Variants in ANKRD36B observed in about 807,000 individuals in gnomAD.
The protein encoded by ANKRD36B is ankyrin repeat domain 36B.
ANKRD36B carries 37 observed loss-of-function variants against 135.7 expected under a neutral mutation model. That is an observed-to-expected ratio of 0.27 (90% CI 0.21 to 0.36). ANKRD36B has a LOEUF of 0.36. ANKRD36B is among the 10% of genes least tolerant of loss of function. The pLI is 1.00. For synonymous variants in ANKRD36B, 179 were observed against 348.1 expected (o/e 0.51, Z 5.41); for missense variants, 549 against 1,037.1 (o/e 0.53, Z 6.46).
At position 97,580,508 on chromosome 2, in the gene ANKRD36B, A is replaced by C. The variant is rs1342926492; in HGVS notation, c.511T>G (p.Leu171Val). The C allele has an allele frequency of 6.5e-6, 10 of 1,548,384 alleles. No homozygotes were observed. Among genetic ancestry groups the C allele is most frequent in the African/African-American group, 1.4e-5 (1 of 72,950 alleles). The change falls in exon 4 of 44, where the codon TTA becomes GTA. Residue 171 changes from leucine to valine, a missense_variant. Physicochemically the swap from Leu to Val is conservative, Grantham distance 32 (BLOSUM62 1). Coordinates refer to ENST00000359901, the MANE Select transcript of ANKRD36B (RefSeq NM_001393939.1). ...SRRKVKMVEF[L>V]LKKKANVNAI... ...TTTACATTTGCTTTTTTCTTTAATAAAAATTCCACCATTTTCACTTTTCTT... is the reference window on the plus strand; with the variant it reads ...TTTACATTTGCTTTTTTCTTTAATACAAATTCCACCATTTTCACTTTTCTT...
intron 20 of ANKRD36B, among the ~76,000 whole-genome samples, chr2:97,549,174 C>T (rs1265970222): frequency 6.6e-6 from 1 of 151,900 alleles, no homozygotes; most frequent in African/African-American, 2.4e-5. Flanking sequence ...TTCAACTGCT[C>T]TCCATATATC....
chr2:97,552,726 CA>C (rs1215585416), intron 16 of ANKRD36B, among the ~76,000 whole-genome samples: 1 of 151,924 alleles, frequency 6.6e-6, no homozygotes, highest in East Asian at 1.9e-4. Flanking sequence ...ATTGCTACAT[CA>C]GGGGTCTCCT....
chr2:97,556,638 A>T (rs528427384), intron 12 of ANKRD36B, among the ~76,000 whole-genome samples: 1 of 151,978 alleles, frequency 6.6e-6, no homozygotes, highest in South Asian at 2.1e-4. Flanking sequence ...CTCTCCATAG[A>T]AACATGCTCT....
rs56775263 is a variant in ANKRD36B at position 97,496,833 on chromosome 2, G to GTATATATATA, written c.*7-3988_*7-3979dup. On this transcript the variant is annotated intron_variant, in intron 43 of 43. Transcript: ENST00000359901. ...TGTGTGTGTATGTATATATGTGTGT[G>GTATATATATA]TATATATATATATATATATATATAT... Among the ~76,000 whole-genome samples the GTATATATATA allele has an allele frequency of 5.8e-4, 36 of 62,074 alleles. 2 individuals are homozygous for GTATATATATA. The highest frequency in any genetic ancestry group is 3.0e-3 in the African/African-American group (34 of 11,390). 40.7% of individuals were successfully genotyped at this position (62,074 alleles called of 152,430 possible).
Position 97,551,288 on chromosome 2 carries a change from C to A in ANKRD36B, c.1375+1G>T, listed in dbSNP as rs1027580844. The A allele has an allele frequency of 6.4e-7, 1 of 1,554,732 alleles. No homozygotes were observed. Among genetic ancestry groups the A allele is most frequent in the African/African-American group, 1.4e-5 (1 of 73,446 alleles). ...ACATTAAATGTGTTTCGCAAAATTACCTGTCCTAGATATTTCTCCATCCTT... is the reference window on the plus strand; with the variant it reads ...ACATTAAATGTGTTTCGCAAAATTAACTGTCCTAGATATTTCTCCATCCTT... On this transcript the variant is annotated splice_donor_variant, in intron 18 of 43. Coordinates refer to ENST00000359901, the MANE Select transcript of ANKRD36B (RefSeq NM_001393939.1). LOFTEE classifies it high-confidence loss of function.
intron 3 of ANKRD36B, among the ~76,000 whole-genome samples, chr2:97,582,366 G>T (rs2082686769): frequency 6.6e-6 from 1 of 151,464 alleles, no homozygotes; most frequent in Non-Finnish European, 1.5e-5. Flanking sequence ...TGAAAACCTT[G>T]AAATATTTAC....
At position 97,531,041 on chromosome 2, in the gene ANKRD36B, C is replaced by A. The variant is rs1352103897; in HGVS notation, c.2265+1270G>T. 3.2e-5 allele frequency among the ~76,000 whole-genome samples: 3 copies of A among 95,072 alleles called. 1 individual carries two copies. The highest frequency in any genetic ancestry group is 8.4e-5 in the Non-Finnish European group (3 of 35,762). The allele number at this position is 95,072 out of a possible 152,430, so 62.4% of individuals were successfully genotyped here. ...GAACTAGAAATACCATTTGACCCTG[C>A]CATCCCATTACTGGGTATATACCCA... On this transcript the variant is annotated intron_variant, in intron 35 of 43. Coordinates refer to ENST00000359901, the MANE Select transcript of ANKRD36B (RefSeq NM_001393939.1).
chr2:97,554,077 A>G (rs1345387374), intron 14 of ANKRD36B, among the ~76,000 whole-genome samples: 1 of 151,944 alleles, frequency 6.6e-6, no homozygotes, highest in Non-Finnish European at 1.5e-5. Flanking sequence ...AAGCATCATC[A>G]ATTATCAATT....
chr2:97,529,674 T>C lies in ANKRD36B; in HGVS notation c.2265+2637A>G, dbSNP rs1342884779. 2.1e-5 allele frequency among the ~76,000 whole-genome samples: 2 copies of C among 95,552 alleles called. 1 individual carries two copies. The highest frequency in any genetic ancestry group is 5.6e-5 in the Non-Finnish European group (2 of 35,934). The allele number at this position is 95,552 out of a possible 152,430, so 62.7% of individuals were successfully genotyped here. A position where few individuals can be genotyped will look rare whatever the true frequency, so the allele number is the denominator to read the frequency against. The stretch of plus-strand genomic sequence containing the variant: ...AAAACCCCATTGTCTCAGCCCAAAA[T>C]CTCCTTAAGCTGATCAGCAACTTCA... On this transcript the variant is annotated intron_variant, in intron 35 of 43. Coordinates refer to ENST00000359901, the MANE Select transcript of ANKRD36B (RefSeq NM_001393939.1).
chr2:97,524,836 T>C lies in ANKRD36B; in HGVS notation c.2266-1369A>G, dbSNP rs1201065125. The C allele has an allele frequency of 7.2e-5, 7 of 97,340 alleles. 3 individuals are homozygous for C. Among genetic ancestry groups the C allele is most frequent in the African/African-American group, 2.2e-4 (7 of 32,476 alleles). 6.0% of individuals were successfully genotyped at this position (97,340 alleles called of 1,614,324 possible). On this transcript the variant is annotated intron_variant, in intron 35 of 43. Transcript: ENST00000359901. ...GTTTGATCCACATTCTCTCATACTTTTGTGCACAAGTAAGTCCTGAATATA... is the reference window on the plus strand; with the variant it reads ...GTTTGATCCACATTCTCTCATACTTCTGTGCACAAGTAAGTCCTGAATATA...
chr2:97,547,564 T>G lies in ANKRD36B; in HGVS notation c.1551A>C (p.Gly517=), dbSNP rs781258147. 1.3e-6 allele frequency: 2 copies of G among 1,552,324 alleles called. No individual in the cohort carries two copies. Among genetic ancestry groups the G allele is most frequent in the Non-Finnish European group, 1.8e-6 (2 of 1,135,674 alleles). The change falls in exon 22 of 44, where the codon GGA becomes GGC. Residue 517 remains glycine, a synonymous_variant. Transcript: ENST00000359901. ...EKDSLLNIAR[G]KKDGEKTRRV... is the part of the protein sequence containing the mutation. ...TCCTAGTTTTTTCTCCATCTTTTTT[T>G]CCTCTGGCTATATTCAAAAGAGAAT...
intron 12 of ANKRD36B, among the ~76,000 whole-genome samples, chr2:97,556,337 C>T (rs193007998): frequency 3.6e-4 from 55 of 151,936 alleles, no homozygotes; most frequent in Admixed American, 1.3e-3. Flanking sequence ...CGGTAGTCAT[C>T]GGAGCAGTCA....
At chr2:97,539,780 C>T in intron 30 of ANKRD36B, 1 of 226,412 alleles carries the variant, frequency 4.4e-6, no homozygotes, top group South Asian at 3.4e-5. Context: ...CCCTGAGCCC[C>T]TTATGTCTTG....
At position 97,555,825 on chromosome 2, in the gene ANKRD36B, A is replaced by C. The variant is rs1408442538; in HGVS notation, c.1070-571T>G. On this transcript the variant is annotated intron_variant, in intron 12 of 43. Coordinates refer to ENST00000359901, the MANE Select transcript of ANKRD36B (RefSeq NM_001393939.1). ...CTAGTAGATAGTATTCATTATTTAT[A>C]ATACCCATGTGGTGTAATAATCTGC... Among the ~76,000 whole-genome samples, 7 of 152,020 alleles carry C rather than the reference A, an allele frequency of 4.6e-5. No homozygotes were observed. The East Asian group carries it at 9.7e-4, about 21-fold the overall frequency.
intron 6 of ANKRD36B, among the ~76,000 whole-genome samples, chr2:97,568,163 A>G (rs1484532327): frequency 6.6e-6 from 1 of 151,944 alleles, no homozygotes; most frequent in African/African-American, 2.4e-5. Flanking sequence ...ATTTTTAAAA[A>G]TTATTGTACA....
At chr2:97,586,210 C>CA (rs199697677) in intron 1 of ANKRD36B, among the ~76,000 whole-genome samples, 43 of 149,460 alleles carry the variant, frequency 2.9e-4, no homozygotes, top group African/African-American at 6.4e-4. Context: ...CTTCAACTTT[C>CA]AAAAAAAAAT....
chr2:97,526,129 A>G (rs1254564562), intron 35 of ANKRD36B, among the ~76,000 whole-genome samples: 1 of 89,964 alleles, frequency 1.1e-5, no homozygotes, highest in South Asian at 2.4e-4. Context: ...CACTGACCCC[A>G]AGCAGCCTAA....
chr2:97,560,972 A>T (rs1474945744), intron 6 of ANKRD36B, 112 bp from the exon 7 acceptor site: 3 of 880,230 alleles, frequency 3.4e-6, no homozygotes, highest in Non-Finnish European at 5.1e-6. Context: ...TGCCTGTATT[A>T]CTGTAGGCTT....
chr2:97,557,358 T>C (rs1163865945), intron 10 of ANKRD36B, among the ~76,000 whole-genome samples: 1 of 151,734 alleles, frequency 6.6e-6, no homozygotes, highest in Non-Finnish European at 1.5e-5. Flanking sequence ...AGAGGTATTA[T>C]GCATCATGTG....
Sources: allele counts gnomAD v4.1 joint callset (sites outside exome capture counted in the v4.1 genomes callset), GRCh38; gene constraint gnomAD v4.1.1; transcripts MANE v1.5; gene names NCBI Gene and HGNC (gene_info 2026-07-23, HGNC 2026-07-21).